Variants in CLSTN3 observed in about 807,000 individuals in gnomAD.
CLSTN3 encodes the protein calsyntenin-3.
A neutral mutation model predicts 95.9 loss-of-function variants in CLSTN3; 36 were observed. The observed-to-expected ratio is 0.38, with a 90% CI of 0.29 to 0.50. CLSTN3 has a LOEUF of 0.50. Among genes scored for constraint, CLSTN3 ranks in the 20% least tolerant of loss-of-function variants. The pLI, the probability that CLSTN3 is intolerant of heterozygous loss-of-function variation, is 0.95. For missense variants in CLSTN3, 1,084 were observed against 1,268.8 expected, an observed-to-expected ratio of 0.85 and a Z score of 2.21; for synonymous variants, 481 against 504.0, an observed-to-expected ratio of 0.95 and a Z score of 0.61.
At chr12:7,130,314 C>CCCCCG, upstream of CLSTN3, 1 of 898,744 alleles carries the variant, frequency 1.1e-6, no homozygotes, top group Non-Finnish European at 1.4e-6. Context: ...CCCCCCCCCT[C>CCCCCG]CCAGTCACCT....
intron 16 of CLSTN3, chr12:7,156,538 G>A (rs767940783): frequency 8.3e-5 from 38 of 456,810 alleles, no homozygotes; most frequent in South Asian, 4.5e-4. Context: ...CTTTACTCCC[G>A]CAGTGTGAGC....
Position 7,136,375 on chromosome 12 carries a change from G to A in CLSTN3, c.912G>A (p.Ala304=), listed in dbSNP as rs758870677. 2.0e-5 allele frequency: 33 copies of A among 1,611,798 alleles called. No individual in the cohort carries two copies. Among genetic ancestry groups the A allele is most frequent in the East Asian group, 6.7e-5 (3 of 44,838 alleles). ...GCDRDNYSER[A]LRKLCGAATG... is the part of the protein sequence containing the mutation. ...ACCGTGACAACTACTCAGAGCGGGC[G>A]CTGCGGAAACTCTGTGGTAGGTGTG... Residue 304 remains alanine (A), a synonymous_variant, in exon 6 of 18, where the codon GCG becomes GCA. Coordinates refer to ENST00000266546, the MANE Select transcript of CLSTN3 (RefSeq NM_014718.4).
Position 7,157,625 on chromosome 12 carries a change from T to G in CLSTN3, c.2664T>G (p.Ser888Arg). 2.5e-6 allele frequency: 4 copies of G among 1,610,754 alleles called. No homozygotes were observed. Among genetic ancestry groups the G allele is most frequent in the Non-Finnish European group, 3.4e-6 (4 of 1,178,596 alleles). ...CCGGCGGGCCTCCAGGGGCCTCCAG[T>G]GACCCCAAGGACCCAGACCTCTTCT... ...SGAGGPPGAS[S>R]DPKDPDLFWD... The change falls in exon 17 of 18, where the codon AGT (serine) becomes AGG (arginine). Residue 888 changes from serine (S) to arginine (R), a missense_variant. By Grantham distance (110) the Ser-to-Arg change is moderately radical. Coordinates refer to ENST00000266546, the MANE Select transcript of CLSTN3 (RefSeq NM_014718.4). This position sits in a 1 kb window ranked among gnomAD's most constrained non-coding sequence, Gnocchi z 5.9.
Position 7,157,065 on chromosome 12 carries a change from T to A in CLSTN3, c.2528-424T>A, listed in dbSNP as rs1269072492. ...TCAGCCAAGCCCGTGTGGGGGCCCC[T>A]CCTCTCCCTCACTGGGCACTGGCAC... On this transcript the variant is annotated intron_variant, in intron 16 of 17. Coordinates refer to ENST00000266546, the MANE Select transcript of CLSTN3 (RefSeq NM_014718.4). The surrounding 1 kb of genome is among the most constrained non-coding windows in gnomAD (Gnocchi z 5.9). 1 of 358,690 alleles carries A rather than the reference T, an allele frequency of 2.8e-6. No individual in the cohort carries two copies. Among genetic ancestry groups the A allele is most frequent in the Admixed American group, 3.9e-5 (1 of 25,618 alleles). 22.2% of individuals were successfully genotyped at this position (358,690 alleles called of 1,614,324 possible).
intron 12 of CLSTN3, among the ~76,000 whole-genome samples, chr12:7,145,505 T>C (rs1939609415): frequency 6.6e-6 from 1 of 152,198 alleles, no homozygotes; most frequent in African/African-American, 2.4e-5. Context: ...CTCTGTCTAT[T>C]TAAAGCCAGA....
chr12:7,142,165 C>T, intron 10 of CLSTN3, 26 bp downstream of exon 10: 1 of 1,567,504 alleles, frequency 6.4e-7, no homozygotes, highest in Non-Finnish European at 8.8e-7. Context: ...GAACTGGAGA[C>T]CAGAGAGTTC....
At chr12:7,136,664 C>T (rs763009837) in intron 6 of CLSTN3, among the ~76,000 whole-genome samples, 165 bp from the exon 7 acceptor site, 96 of 152,340 alleles carry the variant, frequency 6.3e-4, no homozygotes, top group African/African-American at 2.3e-3. Flanking sequence ...GAGAGATACT[C>T]TTAGAAGTGA....
At position 7,148,963 on chromosome 12, in the gene CLSTN3, C is replaced by T; in HGVS notation, c.1848-9C>T. 1 of 1,612,674 alleles carries T rather than the reference C, an allele frequency of 6.2e-7. No individual in the cohort carries two copies. Among genetic ancestry groups the T allele is most frequent in the Non-Finnish European group, 8.5e-7 (1 of 1,178,796 alleles). Reference sequence around the variant, plus strand: ...GGTCACATGCTGCTTCTCCTGCTTTCTTACATAGGTGCTTCAGCGAAGAGT... The same window carrying T: ...GGTCACATGCTGCTTCTCCTGCTTTTTTACATAGGTGCTTCAGCGAAGAGT... On this transcript the variant is annotated splice_polypyrimidine_tract_variant and intron_variant, in intron 12 of 17. Transcript: ENST00000266546.
intron 12 of CLSTN3, among the ~76,000 whole-genome samples, chr12:7,144,932 T>C (rs1344190241): frequency 6.6e-6 from 1 of 152,174 alleles, no homozygotes; most frequent in Admixed American, 6.5e-5. Context: ...TTGCTGAGTA[T>C]GCACCCCGCC....
chr12:7,155,360 T>C (rs955789283), intron 16 of CLSTN3, among the ~76,000 whole-genome samples: 2 of 152,254 alleles, frequency 1.3e-5, no homozygotes, highest in Non-Finnish European at 2.9e-5. Context: ...CTGTGGTCAT[T>C]TCTTATTGTC....
rs772756740 is a variant in CLSTN3, at chr12:7,135,374, T to C, written c.431T>C (p.Val144Ala). The change falls in exon 4 of 18, where the codon GTG becomes GCG. Residue 144 changes from valine (V) to alanine (A), a missense_variant. Val to Ala is a moderately conservative substitution (Grantham distance 64). Coordinates refer to ENST00000266546, the MANE Select transcript of CLSTN3 (RefSeq NM_014718.4). The stretch of plus-strand genomic sequence containing the variant: ...AACGATGTGAACGAGTTTGCCCCAG[T>C]GTTTGTGGAACGGCTGTATCGTGCG... ...RVNDVNEFAP[V>A]FVERLYRAAV... 1.5e-5 allele frequency: 24 copies of C among 1,614,128 alleles called. No homozygotes were observed. Among genetic ancestry groups the C allele is most frequent in the Non-Finnish European group, 2.0e-5 (24 of 1,180,012 alleles).
intron 12 of CLSTN3, among the ~76,000 whole-genome samples, chr12:7,148,666 G>A (rs1012448750): frequency 2.0e-5 from 3 of 152,152 alleles, no homozygotes; most frequent in Non-Finnish European, 4.4e-5. Context: ...CATTAAAATA[G>A]CATCTATAGG....
chr12:7,139,492 T>A (rs570638810), intron 8 of CLSTN3, among the ~76,000 whole-genome samples: 17 of 152,200 alleles, frequency 1.1e-4, no homozygotes, highest in Non-Finnish European at 2.2e-4. Context: ...AGACTGGAGA[T>A]AAGTTGCAGA....
chr12:7,150,546 G>A lies in CLSTN3; in HGVS notation c.2248G>A (p.Val750Met), dbSNP rs1195354925. The A allele has an allele frequency of 1.9e-6, 3 of 1,608,390 alleles. No homozygotes were observed. The highest frequency in any genetic ancestry group is 2.6e-6 in the Non-Finnish European group (3 of 1,175,564). Reference protein sequence around the residue: ...NTSAYLTIAGVESITVYEEIL... With the variant: ...NTSAYLTIAGMESITVYEEIL... ...CTGAGGTGCTTCCTCATCTCCAGGG[G>A]TGGAGAGCATCACTGTGTATGAAGA... The change falls in exon 15 of 18, where the codon GTG (valine) becomes ATG (methionine). Residue 750 changes from valine (V) to methionine (M), a missense_variant and splice_region_variant. Transcript: ENST00000266546. The surrounding 1 kb of genome is among the most constrained non-coding windows in gnomAD (Gnocchi z 4.0).
intron 10 of CLSTN3, 76 bp downstream of exon 10, chr12:7,142,215 A>G: frequency 1.5e-6 from 2 of 1,315,134 alleles, no homozygotes; most frequent in Non-Finnish European, 2.2e-6. Flanking sequence ...TTTCCACCCC[A>G]AATCCTATCC....
In CLSTN3 at chr12:7,135,463, TC is replaced by T. The variant is rs1565648977; in HGVS notation, c.526del (p.Gln176SerfsTer43). 1 of 1,613,728 alleles carries T rather than the reference TC, an allele frequency of 6.2e-7. No homozygotes were observed. Among genetic ancestry groups the T allele is most frequent in the Admixed American group, 1.7e-5 (1 of 59,972 alleles). ...GGTGGAAGCCATTGACGGTGACTGC[TC>T]CCCCCAGTACAGCCAGATCTGCTAC... ...LRVEAIDGDC[S>X]PQYSQICYYE... On this transcript the variant is annotated frameshift_variant, in exon 4 of 18. Transcript: ENST00000266546. LOFTEE classifies it high-confidence loss of function.
intron 1 of CLSTN3, chr12:7,131,762 C>CTCCTGCT: frequency 2.2e-6 from 1 of 456,420 alleles, no homozygotes; most frequent in East Asian, 7.0e-5. Flanking sequence ...AGCCTCCTGC[C>CTCCTGCT]ACTTCCTGTA....
Position 7,157,894 on chromosome 12 carries a change from T to C in CLSTN3, c.2731-47T>C. 1.3e-6 allele frequency: 2 copies of C among 1,545,444 alleles called. No homozygotes were observed. Among genetic ancestry groups the C allele is most frequent in the Non-Finnish European group, 1.7e-6 (2 of 1,146,428 alleles). ...GTGGTCCCTGAAAGAGAGGCTGGGA[T>C]GTGTGCAGGCCATTGATCCCTTCTC... On this transcript the variant is annotated intron_variant, in intron 17 of 17. Transcript: ENST00000266546. This position sits in a 1 kb window ranked among gnomAD's most constrained non-coding sequence, Gnocchi z 5.9.
In CLSTN3 at chr12:7,151,023, G is replaced by C. The variant is rs201160388; in HGVS notation, c.2487G>C (p.Glu829Asp). 6.2e-7 allele frequency: 1 copy of C among 1,612,226 alleles called. No homozygotes were observed. Among genetic ancestry groups the C allele is most frequent in the Admixed American group, 1.7e-5 (1 of 59,780 alleles). Residue 829 changes from glutamate to aspartate, a missense_variant, in exon 16 of 18, where the codon GAG becomes GAC. By Grantham distance (45) the Glu-to-Asp change is conservative (BLOSUM62 2). Transcript: ENST00000266546. ...FLHRGHQPPPEMAGHSLASSH... is the reference protein window; with the variant it reads ...FLHRGHQPPPDMAGHSLASSH... ...ACCGTGGTCACCAGCCCCCGCCTGA[G>C]ATGGCTGGACACAGCCTAGCCAGCT...
Sources: allele counts gnomAD v4.1 joint callset (sites outside exome capture counted in the v4.1 genomes callset), GRCh38; gene constraint gnomAD v4.1.1; non-coding constraint Gnocchi (gnomAD v3.1); transcripts MANE v1.5; gene names NCBI Gene and HGNC (gene_info 2026-07-23, HGNC 2026-07-21).